The following MUC22 variants were observed in gnomAD, a reference collection of about 807,000 sequenced individuals.
MUC22 encodes mucin-22.
MUC22 carries 24 observed loss-of-function variants against 40.3 expected under a neutral mutation model. The observed-to-expected ratio is 0.60, with a 90% confidence interval of 0.43 to 0.84. MUC22 has a LOEUF of 0.84. Among genes scored for constraint, MUC22 ranks in the 40% least tolerant of loss-of-function variants. The pLI is 0.00. For missense variants in MUC22, 1,926 were observed against 2,130.7 expected (o/e 0.90, Z 1.89); for synonymous variants, 765 against 844.5 (o/e 0.91, Z 1.63).
At position 31,032,464 on chromosome 6, in the gene MUC22, C is replaced by G; in HGVS notation, c.4938C>G (p.His1646Gln). The change falls in exon 3 of 4, where the codon CAC becomes CAG. Residue 1646 changes from histidine to glutamine, a missense_variant. By Grantham distance (24) the His-to-Gln change is conservative (BLOSUM62 0). This residue lies in a region of MUC22 where 610 missense variants were observed against 714.6 expected (regional missense o/e 0.85). Transcript: ENST00000561890. The surrounding 1 kb of genome is among the most constrained non-coding windows in gnomAD (Gnocchi z 4.1). ...GCACAAACACAGTTAGCATGAGCCA[C>G]ACACCCACAAACGTGATCAAACCAA... is the stretch of plus-strand genomic sequence containing the variant. 1 of 1,535,720 alleles carries G rather than the reference C, an allele frequency of 6.5e-7. No individual in the cohort carries two copies. Among genetic ancestry groups the G allele is most frequent in the Non-Finnish European group, 8.7e-7 (1 of 1,146,916 alleles).
chr6:31,019,393 C>T (rs12208652), intron 1 of MUC22, among the ~76,000 whole-genome samples: 5 of 152,182 alleles, frequency 3.3e-5, no homozygotes, highest in Admixed American at 2.0e-4. Context: ...TGCCCTCCTA[C>T]ATGCCCGTTT....
exon 4 of MUC22, chr6:31,034,751 A>G: frequency 6.5e-7 from 1 of 1,535,698 alleles, no homozygotes; most frequent in East Asian, 2.4e-5. Context: ...CTGGACCTGA[A>G]CTTGGGCCTG....
rs1765319900 is a variant in MUC22 at position 31,026,263 on chromosome 6, A to AC, written c.833dup (p.Thr279TyrfsTer5). The AC allele has an allele frequency of 3.0e-6, 4 of 1,338,730 alleles. No homozygotes were observed. In the East Asian group the frequency reaches 7.8e-5, roughly 26 times the overall value. The allele number at this position is 1,338,730 out of a possible 1,614,324, so 82.9% of individuals were successfully genotyped here. On this transcript the variant is annotated frameshift_variant, in exon 2 of 4. Coordinates refer to ENST00000561890, the Ensembl canonical transcript of MUC22. LOFTEE classifies it high-confidence loss of function. Reference sequence around the variant, plus strand: ...AGCCTCTACCACAGGCTCTGAGACCACTACAATCCTGATTAAAGCCTCTGA... The same window carrying AC: ...AGCCTCTACCACAGGCTCTGAGACCACCTACAATCCTGATTAAAGCCTCTGA...
At chr6:31,029,261 T>G (rs1481979326) in exon 2 of MUC22, 1 of 1,486,496 alleles carries the variant, frequency 6.7e-7, no homozygotes, top group South Asian at 1.2e-5. Context: ...GAGACTACCA[T>G]CACCTCTACT....
chr6:31,031,850 A>C (rs4713421), intron 2 of MUC22, among the ~76,000 whole-genome samples: 61,958 of 151,782 alleles, frequency 0.41, 12,880 homozygotes, highest in East Asian at 0.54. Flanking sequence ...TAATTCATTC[A>C]TTTTTATCAG....
At chr6:31,022,254 T>C (rs1764875573) in intron 1 of MUC22, among the ~76,000 whole-genome samples, 1 of 152,180 alleles carries the variant, frequency 6.6e-6, no homozygotes, top group African/African-American at 2.4e-5. Context: ...ACACACTGGG[T>C]TCAAGCGATT....
chr6:31,029,640 T>C (rs1765861014), exon 2 of MUC22: 2 of 1,535,254 alleles, frequency 1.3e-6, no homozygotes, highest in South Asian at 1.2e-5. Context: ...CCACAGTCTC[T>C]GAGACCACCA....
intron 1 of MUC22, among the ~76,000 whole-genome samples, chr6:31,023,606 C>T (rs1308671515): frequency 1.3e-5 from 2 of 152,028 alleles, no homozygotes; most frequent in Admixed American, 6.6e-5. Context: ...CCAGACACCA[C>T]AATTAAAAGG....
chr6:31,023,494 G>T (rs773916023), intron 1 of MUC22, among the ~76,000 whole-genome samples: 1 of 152,158 alleles, frequency 6.6e-6, no homozygotes, highest in Non-Finnish European at 1.5e-5. Flanking sequence ...GCAGTCAGCC[G>T]TGATTGTGCC....
At chr6:31,031,737 T>A (rs1766079809) in intron 2 of MUC22, among the ~76,000 whole-genome samples, 1 of 151,962 alleles carries the variant, frequency 6.6e-6, no homozygotes, top group Admixed American at 6.6e-5. Flanking sequence ...ATAGCTTAGC[T>A]CCCACATATC....
Position 31,030,236 on chromosome 6 carries a change from G to C in MUC22, c.4669+136G>C, listed in dbSNP as rs557211666. 5.5e-4 allele frequency: 591 copies of C among 1,075,940 alleles called. 1 individual carries two copies. The African/African-American group carries it at 7.0e-3, about 13-fold the overall frequency. 66.6% of individuals were successfully genotyped at this position (1,075,940 alleles called of 1,614,324 possible). A position where few individuals can be genotyped will look rare whatever the true frequency, so the allele number is the denominator to read the frequency against. ...CAGTTAGATATAATTTCCTCTTCTAGGCTGGGCGCGGTGGCTCATGCCTGT... is the reference window on the plus strand; with the variant it reads ...CAGTTAGATATAATTTCCTCTTCTACGCTGGGCGCGGTGGCTCATGCCTGT... On this transcript the variant is annotated intron_variant, in intron 2 of 3. Transcript: ENST00000561890.
chr6:31,028,911 TGAAG>T lies in MUC22; in HGVS notation c.3482_3485del (p.Glu1161AlafsTer234). 6.6e-7 allele frequency: 1 copy of T among 1,523,156 alleles called. No individual in the cohort carries two copies. Among genetic ancestry groups the T allele is most frequent in the Non-Finnish European group, 8.8e-7 (1 of 1,141,172 alleles). 94.4% of individuals were successfully genotyped at this position (1,523,156 alleles called of 1,614,324 possible). A position where few individuals can be genotyped will look rare whatever the true frequency, so the allele number is the denominator to read the frequency against. On this transcript the variant is annotated frameshift_variant, in exon 2 of 4. Coordinates refer to ENST00000561890, the Ensembl canonical transcript of MUC22. LOFTEE classifies it high-confidence loss of function. Reference sequence around the variant, plus strand: ...GCTCTGAGACCACCACAGCCTCTACTGAAGGCTCTGAGATCACTACAGTTTCTAC... The same window carrying T: ...GCTCTGAGACCACCACAGCCTCTACTGCTCTGAGATCACTACAGTTTCTAC...
At chr6:31,026,223 C>T (rs1163842985) in exon 2 of MUC22, 1 of 1,530,204 alleles carries the variant, frequency 6.5e-7, no homozygotes, top group Non-Finnish European at 8.7e-7. Context: ...CCGCTGCAGG[C>T]TCTAACACCA....
chr6:31,012,263 A>G (rs1292295691), intron 1 of MUC22, among the ~76,000 whole-genome samples: 1 of 152,120 alleles, frequency 6.6e-6, no homozygotes, highest in Non-Finnish European at 1.5e-5. Flanking sequence ...CTCAGTATGC[A>G]TCTGTTTCCT....
chr6:31,026,548 G>A lies in MUC22; in HGVS notation c.1117G>A (p.Gly373Ser), dbSNP rs1398282573. Reference sequence around the variant, plus strand: ...TGAGACCACCATGGTCTCTGCCATGGGCTCAGAGACCACCACAAACTCTAC... The same window carrying A: ...TGAGACCACCATGGTCTCTGCCATGAGCTCAGAGACCACCACAAACTCTAC... Residue 373 changes from glycine to serine, a missense_variant, in exon 2 of 4, where the codon GGC becomes AGC. Gly to Ser is a moderately conservative substitution (Grantham distance 56). Coordinates refer to ENST00000561890, the Ensembl canonical transcript of MUC22. 22 of 1,500,016 alleles carry A rather than the reference G, an allele frequency of 1.5e-5. 5 individuals are homozygous for A. Among genetic ancestry groups the A allele is most frequent in the Non-Finnish European group, 1.8e-5 (20 of 1,124,604 alleles). The allele number at this position is 1,500,016 out of a possible 1,614,324, so 92.9% of individuals were successfully genotyped here. A position where few individuals can be genotyped will look rare whatever the true frequency, so the allele number is the denominator to read the frequency against.
chr6:31,019,757 G>A (rs1029524527), intron 1 of MUC22, among the ~76,000 whole-genome samples: 4 of 152,226 alleles, frequency 2.6e-5, no homozygotes, highest in Non-Finnish European at 2.9e-5. Context: ...AGGAGGCTGA[G>A]GCAGGAGAAT....
Position 31,025,912 on chromosome 6 carries a change from G to T in MUC22, c.481G>T (p.Ala161Ser), listed in dbSNP as rs889467046. ...CATGGCCTCCAGCACAACCTCCACT[G>T]CAGGCTCTGAGAAAACGATGGCCTC... The change falls in exon 2 of 4, where the codon GCA (alanine) becomes TCA (serine). Residue 161 changes from alanine to serine, a missense_variant. Physicochemically the swap from Ala to Ser is moderately conservative, Grantham distance 99 (BLOSUM62 1). Around this residue, in one of 3 missense-constraint regions of MUC22, gnomAD observed 1,281 missense variants for 1,337.8 expected, o/e 0.96. Coordinates refer to ENST00000561890, the Ensembl canonical transcript of MUC22. The T allele has an allele frequency of 2.6e-6, 4 of 1,532,378 alleles. No individual in the cohort carries two copies. The African/African-American group carries it at 5.6e-5, about 21-fold the overall frequency. 94.9% of individuals were successfully genotyped at this position (1,532,378 alleles called of 1,614,324 possible).
intron 1 of MUC22, among the ~76,000 whole-genome samples, chr6:31,017,966 C>A (rs1381757711): frequency 6.6e-6 from 1 of 152,230 alleles, no homozygotes; most frequent in East Asian, 1.9e-4. Flanking sequence ...CGAAAATCTG[C>A]AGTTTCACTC....
At chr6:31,027,582 A>G in exon 2 of MUC22, 1 of 1,527,490 alleles carries the variant, frequency 6.5e-7, no homozygotes, top group Non-Finnish European at 8.7e-7. Flanking sequence ...AGACCACTAC[A>G]GTCACTACCG....
Sources: gnomAD v4.1 joint callset for allele counts (sites outside exome capture counted in the v4.1 genomes callset) on GRCh38, gnomAD v4.1.1 for gene constraint, gnomAD v4.1.1 regional missense constraint, Gnocchi (gnomAD v3.1) non-coding constraint, MANE v1.5 for transcripts, NCBI Gene and HGNC (gene_info 2026-07-23, HGNC 2026-07-21) for gene names.